Variants in GRM5 observed in about 807,000 individuals in gnomAD.
The protein encoded by GRM5 is metabotropic glutamate receptor 5.
In GRM5, 19 loss-of-function variants were observed where a neutral mutation model predicts 83.1. That is an observed-to-expected ratio of 0.23 (90% CI 0.16 to 0.34). The LOEUF (loss-of-function observed/expected upper bound fraction) is 0.34, where lower values mean the gene tolerates loss of function less well. Ranked by LOEUF, GRM5 falls within the 10% of genes least tolerant of loss-of-function variation. The pLI is 1.00. For synonymous variants in GRM5, 675 were observed against 633.6 expected, an observed-to-expected ratio of 1.07 and a Z score of -0.98; for missense variants, 1,160 against 1,588.3, an observed-to-expected ratio of 0.73 and a Z score of 4.58.
At chr11:89,012,867 CTCTA>C (rs759377538) in intron 2 of GRM5, among the ~76,000 whole-genome samples, 29 of 152,208 alleles carry the variant, frequency 1.9e-4, no homozygotes, top group Non-Finnish European at 3.8e-4. Flanking sequence ...TCACTCAGTG[CTCTA>C]TCTATTATTA....
chr11:88,662,429 T>A (rs1939932092), intron 3 of GRM5, among the ~76,000 whole-genome samples: 1 of 152,162 alleles, frequency 6.6e-6, no homozygotes, highest in Admixed American at 6.6e-5. Flanking sequence ...AGATTGTATA[T>A]TGAAAATGTG....
chr11:88,516,387 T>A (rs1941520890), intron 9 of GRM5, among the ~76,000 whole-genome samples: 1 of 152,112 alleles, frequency 6.6e-6, no homozygotes, highest in Non-Finnish European at 1.5e-5. Context: ...GACATACCCC[T>A]GTGGAGCATC....
chr11:88,842,859 A>T (rs1050748915), intron 3 of GRM5, among the ~76,000 whole-genome samples: 13 of 152,002 alleles, frequency 8.6e-5, no homozygotes, highest in African/African-American at 3.1e-4. Context: ...ATATTCTCCT[A>T]CCTAGTAGAC....
intron 8 of GRM5, among the ~76,000 whole-genome samples, chr11:88,550,548 T>C (rs568161694): frequency 1.3e-5 from 2 of 152,310 alleles, no homozygotes; most frequent in African/African-American, 2.4e-5. Context: ...TTGTGTACAT[T>C]TGCTTTCATG....
chr11:88,529,861 G>A (rs964570720), intron 8 of GRM5, among the ~76,000 whole-genome samples: 2 of 151,986 alleles, frequency 1.3e-5, no homozygotes, highest in African/African-American at 4.8e-5. Flanking sequence ...TACTGTGTTG[G>A]ATGGTGCAGT....
At chr11:88,712,832 C>T (rs1273467990) in intron 3 of GRM5, among the ~76,000 whole-genome samples, 1 of 152,050 alleles carries the variant, frequency 6.6e-6, no homozygotes, top group Non-Finnish European at 1.5e-5. Context: ...GCAATTTTAT[C>T]TGTGAACATG....
intron 3 of GRM5, among the ~76,000 whole-genome samples, chr11:88,778,377 G>C (rs1187435581): frequency 6.6e-6 from 1 of 152,220 alleles, no homozygotes; most frequent in Non-Finnish European, 1.5e-5. Flanking sequence ...CCTTTGCTAG[G>C]AAAGGGAAAT....
intron 4 of GRM5, among the ~76,000 whole-genome samples, chr11:88,606,952 T>TG (rs1199608520): frequency 1.3e-5 from 2 of 151,812 alleles, no homozygotes; most frequent in African/African-American, 2.4e-5. Context: ...TTTTTTTTTT[T>TG]TTTTTTCAAC....
intron 3 of GRM5, among the ~76,000 whole-genome samples, chr11:88,772,764 A>C (rs1942767712): frequency 6.6e-6 from 1 of 152,104 alleles, no homozygotes; most frequent in Admixed American, 6.5e-5. Context: ...CCATGTCCCT[A>C]CAAAGGACAT....
chr11:88,808,338 G>A (rs887027092), intron 3 of GRM5, among the ~76,000 whole-genome samples: 12 of 151,930 alleles, frequency 7.9e-5, no homozygotes, highest in African/African-American at 2.9e-4. Context: ...AATTTTAGTT[G>A]CAGCATGCAG....
intron 7 of GRM5, among the ~76,000 whole-genome samples, chr11:88,576,398 CTG>C (rs768258045): frequency 1.3e-5 from 2 of 152,138 alleles, no homozygotes; most frequent in Non-Finnish European, 2.9e-5. Context: ...GAGGAGGAGA[CTG>C]TTTCTTTGCT....
At chr11:88,557,136 C>G (rs555419601) in intron 8 of GRM5, among the ~76,000 whole-genome samples, 1 of 152,232 alleles carries the variant, frequency 6.6e-6, no homozygotes, top group Admixed American at 6.5e-5. Flanking sequence ...CCTATTAGTT[C>G]ACTAACTAAA....
At chr11:88,748,161 G>C (rs1454576279) in intron 3 of GRM5, among the ~76,000 whole-genome samples, 2 of 152,080 alleles carry the variant, frequency 1.3e-5, no homozygotes, top group African/African-American at 4.8e-5. Flanking sequence ...TCCCCTATGA[G>C]GTGATCCCCA....
At chr11:88,865,171 T>C (rs972251547) in intron 2 of GRM5, among the ~76,000 whole-genome samples, 13 of 151,688 alleles carry the variant, frequency 8.6e-5, no homozygotes, top group Admixed American at 6.6e-4. Flanking sequence ...CATCAAGCTA[T>C]AGTAACCAAA....
At position 88,845,423 on chromosome 11, in the gene GRM5, C is replaced by CTTTTTTTTTTTTTTTTTTTTTTTTTTTTT. The variant is rs71046265; in HGVS notation, c.911+4482_911+4483insAAAAAAAAAAAAAAAAAAAAAAAAAAAAA. On this transcript the variant is annotated intron_variant, in intron 3 of 9. Coordinates refer to ENST00000305447, the MANE Select transcript of GRM5 (RefSeq NM_001143831.3). ...AGGCTACAGTACAGTATAAACATAA[C>CTTTTTTTTTTTTTTTTTTTTTTTTTTTTT]TTTTTTTTTTTTTTTTTTTTTTTTT... 6.5e-5 allele frequency among the ~76,000 whole-genome samples: 6 copies of CTTTTTTTTTTTTTTTTTTTTTTTTTTTTT among 92,444 alleles called. 2 individuals are homozygous for CTTTTTTTTTTTTTTTTTTTTTTTTTTTTT. Among genetic ancestry groups the CTTTTTTTTTTTTTTTTTTTTTTTTTTTTT allele is most frequent in the African/African-American group, 2.7e-4 (6 of 22,230 alleles). The allele number at this position is 92,444 out of a possible 152,430, so 60.6% of individuals were successfully genotyped here.
At chr11:89,057,113 T>A (rs1156793014) in intron 1 of GRM5, among the ~76,000 whole-genome samples, 1 of 152,138 alleles carries the variant, frequency 6.6e-6, no homozygotes, top group Non-Finnish European at 1.5e-5. Flanking sequence ...GTCTCTTATA[T>A]AACTTAATCT....
At chr11:89,051,151 G>A (rs777187031) in intron 1 of GRM5, among the ~76,000 whole-genome samples, 1 of 152,052 alleles carries the variant, frequency 6.6e-6, no homozygotes, top group African/African-American at 2.4e-5. Flanking sequence ...AGCTACTCGG[G>A]AGGCTGAAGC....
chr11:88,655,190 C>T (rs979260871), intron 3 of GRM5, among the ~76,000 whole-genome samples: 23 of 152,104 alleles, frequency 1.5e-4, no homozygotes, highest in African/African-American at 4.8e-4. Flanking sequence ...TTGGTTACTT[C>T]ACACATTATC....
At chr11:88,938,552 A>ATT (rs10622517) in intron 2 of GRM5, among the ~76,000 whole-genome samples, 131,775 of 147,826 alleles carry the variant, frequency 0.89, 59,659 homozygotes, top group Non-Finnish European at 0.97. Context: ...GTATTACTTC[A>ATT]TTTTTTTTTT....
Sources: gnomAD v4.1 joint callset for allele counts (sites outside exome capture counted in the v4.1 genomes callset) on GRCh38, gnomAD v4.1.1 for gene constraint, MANE v1.5 for transcripts, NCBI Gene and HGNC (gene_info 2026-07-23, HGNC 2026-07-21) for gene names.